The following EML4 variants were observed in gnomAD, a reference collection of about 807,000 sequenced individuals.
The protein encoded by EML4 is EMAP like 4.
In EML4, 72 loss-of-function variants were observed where a neutral mutation model predicts 129.0. The observed-to-expected ratio is 0.56, with a 90% confidence interval of 0.46 to 0.68. The LOEUF is 0.68. Ranked by LOEUF, EML4 falls within the 30% of genes least tolerant of loss-of-function variation. The probability of loss-of-function intolerance (pLI) is 0.00; values close to 1 mark genes in which losing one functional copy is unlikely to be tolerated. For missense variants in EML4, 1,363 were observed against 1,190.6 expected (o/e 1.14, Z -2.13); for synonymous variants, 532 against 405.0 (o/e 1.31, Z -3.77).
chr2:42,256,134 G>A (rs1468583892), intron 2 of EML4, among the ~76,000 whole-genome samples: 1 of 152,124 alleles, frequency 6.6e-6, no homozygotes, highest in Non-Finnish European at 1.5e-5. Flanking sequence ...TAAAATTTAT[G>A]GTTTTAACAA....
At chr2:42,284,426 A>G (rs1272863742) in intron 8 of EML4, among the ~76,000 whole-genome samples, 3 of 152,220 alleles carry the variant, frequency 2.0e-5, no homozygotes, top group Non-Finnish European at 4.4e-5. Flanking sequence ...TTAGTGTTTC[A>G]TTAATCTGTG....
intron 4 of EML4, among the ~76,000 whole-genome samples, chr2:42,261,832 A>G (rs1316722567): frequency 1.3e-5 from 2 of 152,160 alleles, no homozygotes; most frequent in African/African-American, 4.8e-5. Context: ...TTTCTATGCT[A>G]AAGGCTTGCT....
At chr2:42,197,989 T>G (rs528440358) in intron 1 of EML4, among the ~76,000 whole-genome samples, 1 of 152,330 alleles carries the variant, frequency 6.6e-6, no homozygotes, top group East Asian at 1.9e-4. Context: ...ATTACTAGTT[T>G]GTAGCCTTGG....
At chr2:42,199,223 G>A (rs1236607049) in intron 1 of EML4, among the ~76,000 whole-genome samples, 1 of 152,142 alleles carries the variant, frequency 6.6e-6, no homozygotes. Context: ...AATTGTTGTG[G>A]GTAATAAAGC....
chr2:42,294,755 T>G (rs1196681929), intron 11 of EML4, among the ~76,000 whole-genome samples: 1 of 152,076 alleles, frequency 6.6e-6, no homozygotes, highest in Admixed American at 6.6e-5. Flanking sequence ...CAAAGAAAGA[T>G]AAGACTTTCT....
At position 42,323,546 on chromosome 2, in the gene EML4, G is replaced by A. The variant is rs190554587; in HGVS notation, c.2155-1921G>A. On this transcript the variant is annotated intron_variant, in intron 19 of 22. Coordinates refer to ENST00000318522, the MANE Select transcript of EML4 (RefSeq NM_019063.5). ...CTCCAGAAAGGTTTGGGGACACATC[G>A]GTAGACTTCAGAAGGGTACTAAAAG... 5.9e-5 allele frequency among the ~76,000 whole-genome samples: 9 copies of A among 152,228 alleles called. No homozygotes were observed. In the South Asian group the frequency reaches 1.0e-3, roughly 18 times the overall value.
At chr2:42,187,093 G>C (rs1671297138) in intron 1 of EML4, among the ~76,000 whole-genome samples, 1 of 151,750 alleles carries the variant, frequency 6.6e-6, no homozygotes, top group South Asian at 2.1e-4. Context: ...GCCCAGGCTG[G>C]AGTGCAGTGG....
chr2:42,288,194 A>C (rs1667419002), intron 10 of EML4, 33 bp from the exon 11 acceptor site: 5 of 966,746 alleles, frequency 5.2e-6, no homozygotes, highest in Non-Finnish European at 7.9e-6. Context: ...CTATCAGTGA[A>C]TTTTAAAATG....
intron 1 of EML4, among the ~76,000 whole-genome samples, chr2:42,203,428 GT>G (rs1672352277): frequency 6.6e-6 from 1 of 151,992 alleles, no homozygotes; most frequent in Admixed American, 6.6e-5. Context: ...AATAAATTTG[GT>G]TTGTCATTTT....
At chr2:42,203,168 G>T (rs972180433) in intron 1 of EML4, among the ~76,000 whole-genome samples, 1 of 152,158 alleles carries the variant, frequency 6.6e-6, no homozygotes, top group African/African-American at 2.4e-5. Context: ...ACTCTATAAC[G>T]TATGCATATA....
chr2:42,188,445 C>T (rs1430771844), intron 1 of EML4, among the ~76,000 whole-genome samples: 1 of 151,682 alleles, frequency 6.6e-6, no homozygotes, highest in East Asian at 1.9e-4. Flanking sequence ...TGGTCTCAAA[C>T]TCCTGGGCTG....
Position 42,286,308 on chromosome 2 carries a change from C to CT in EML4, c.1052dup (p.Ser352IlefsTer12), listed in dbSNP as rs760992140. The stretch of plus-strand genomic sequence containing the variant: ...CGTCAGAGTGTGGGATTCTGTTACT[C>CT]TATCCACACTGCAGATTATTGGACT... On this transcript the variant is annotated frameshift_variant, in exon 10 of 23. Transcript: ENST00000318522. LOFTEE classifies it high-confidence loss of function. 1 of 1,613,976 alleles carries CT rather than the reference C, an allele frequency of 6.2e-7. No individual in the cohort carries two copies. Among genetic ancestry groups the CT allele is most frequent in the Non-Finnish European group, 8.5e-7 (1 of 1,179,832 alleles).
chr2:42,317,464 T>A lies in EML4; in HGVS notation c.2094T>A (p.Phe698Leu). The A allele has an allele frequency of 6.2e-7, 1 of 1,613,170 alleles. No individual in the cohort carries two copies. Among genetic ancestry groups the A allele is most frequent in the South Asian group, 1.1e-5 (1 of 91,000 alleles). Reference sequence around the variant, plus strand: ...TGGCTGTAGGATCTCATGACAACTTTATTTACCTCTATGTAGTCTCTGAAA... The same window carrying A: ...TGGCTGTAGGATCTCATGACAACTTAATTTACCTCTATGTAGTCTCTGAAA... ...TFLAVGSHDNFIYLYVVSENG... is the reference protein window; with the variant it reads ...TFLAVGSHDNLIYLYVVSENG... Residue 698 changes from phenylalanine (F) to leucine (L), a missense_variant, in exon 19 of 23, where the codon TTT becomes TTA. Physicochemically the swap from Phe to Leu is conservative, Grantham distance 22 (BLOSUM62 0). Coordinates refer to ENST00000318522, the MANE Select transcript of EML4 (RefSeq NM_019063.5).
chr2:42,272,544 A>G, intron 6 of EML4, among the ~76,000 whole-genome samples: 1 of 152,128 alleles, frequency 6.6e-6, no homozygotes, highest in South Asian at 2.1e-4. Flanking sequence ...TGGCCTCCCA[A>G]AGTGCTGGGA....
intron 1 of EML4, among the ~76,000 whole-genome samples, chr2:42,191,780 C>T (rs1572853059): frequency 2.0e-5 from 3 of 152,094 alleles, no homozygotes; most frequent in Admixed American, 2.0e-4. Context: ...CCTAGTTTTG[C>T]CGGGCGTGGT....
chr2:42,246,163 C>T (rs903649616), intron 2 of EML4, among the ~76,000 whole-genome samples: 5 of 152,172 alleles, frequency 3.3e-5, no homozygotes, highest in African/African-American at 1.2e-4. Context: ...AGCTTACGAG[C>T]CCAGTATAAT....
In EML4 at chr2:42,184,890, T is replaced by A. The variant is rs547575922; in HGVS notation, c.25+15254T>A. ...GGACAAGAATGTGCCTTATACTAGG[T>A]TGAATGTATTGCCTTTTGAGTGGTA... On this transcript the variant is annotated intron_variant, in intron 1 of 22. Coordinates refer to ENST00000318522, the MANE Select transcript of EML4 (RefSeq NM_019063.5). 8.5e-5 allele frequency among the ~76,000 whole-genome samples: 13 copies of A among 152,338 alleles called. No homozygotes were observed. The South Asian group carries it at 1.0e-3, about 12-fold the overall frequency.
At chr2:42,327,640 C>G (rs1669878589) in intron 21 of EML4, among the ~76,000 whole-genome samples, 1 of 152,156 alleles carries the variant, frequency 6.6e-6, no homozygotes. Flanking sequence ...TTCTGGAAAT[C>G]CGACCTCTAT....
At chr2:42,323,248 A>C (rs1163586890) in intron 19 of EML4, among the ~76,000 whole-genome samples, 1 of 152,124 alleles carries the variant, frequency 6.6e-6, no homozygotes, top group East Asian at 1.9e-4. Context: ...GCTTCCCCAG[A>C]CGCCAGAGCC....
Sources: gnomAD v4.1 joint callset for allele counts (sites outside exome capture counted in the v4.1 genomes callset) on GRCh38, gnomAD v4.1.1 for gene constraint, MANE v1.5 for transcripts, NCBI Gene and HGNC (gene_info 2026-07-23, HGNC 2026-07-21) for gene names.